NCF2: variants seen among roughly 807,000 people sequenced by gnomAD.
NCF2 encodes neutrophil cytosolic factor 2.
In NCF2, 45 loss-of-function variants were observed where a neutral mutation model predicts 70.9. The observed-to-expected ratio is 0.63, with a 90% CI of 0.50 to 0.81. The LOEUF (loss-of-function observed/expected upper bound fraction) is 0.81. NCF2 is among the 40% of genes least tolerant of loss of function. The pLI is 0.00. For missense variants in NCF2, 522 were observed against 631.6 expected (o/e 0.83, Z 1.86); for synonymous variants, 203 against 233.6 (o/e 0.87, Z 1.19).
At chr1:183,599,512 C>T in the NCF2 span, among the ~76,000 whole-genome samples, 5 of 122,850 alleles carry the variant, frequency 4.1e-5, no homozygotes, top group Non-Finnish European at 6.6e-5. Flanking sequence ...TTCTTCCTTC[C>T]TTCCTTCTTT....
At chr1:183,588,816 C>A (rs1341777548) in intron 1 of NCF2, among the ~76,000 whole-genome samples, 2 of 152,188 alleles carry the variant, frequency 1.3e-5, no homozygotes, top group Non-Finnish European at 2.9e-5. Flanking sequence ...GCCTGAAGGC[C>A]TGGGAGCTGA....
At chr1:183,557,769 G>A (rs1347644689) in intron 14 of NCF2, among the ~76,000 whole-genome samples, 2 of 152,118 alleles carry the variant, frequency 1.3e-5, no homozygotes, top group African/African-American at 2.4e-5. Flanking sequence ...GAGCTGGTTG[G>A]TTGATTTAGG....
chr1:183,594,021 G>A (rs1250044306), upstream of NCF2, among the ~76,000 whole-genome samples: 1 of 152,210 alleles, frequency 6.6e-6, no homozygotes, highest in Non-Finnish European at 1.5e-5. Flanking sequence ...CATGAGGGGA[G>A]ACAACTAAGA....
chr1:183,570,245 A>G (rs945282593), intron 6 of NCF2, among the ~76,000 whole-genome samples: 2 of 152,192 alleles, frequency 1.3e-5, no homozygotes, highest in African/African-American at 4.8e-5. Context: ...TAGATCCACT[A>G]TCATCCAGTT....
In NCF2 at chr1:183,590,161, C is replaced by T; in HGVS notation, c.169G>A (p.Glu57Lys). 6.2e-7 allele frequency: 1 copy of T among 1,614,194 alleles called. No individual in the cohort carries two copies. The highest frequency in any genetic ancestry group is 8.5e-7 in the Non-Finnish European group (1 of 1,180,026). The part of the protein sequence containing the change: ...YTILKNMTEA[E>K]KAFTRSINRD... The stretch of plus-strand genomic sequence containing the variant: ...AAAGAGGCACCTCCACTCACCTTCT[C>T]TGCTTCAGTCATGTTCTTCAGGATA... The change falls in exon 1 of 15, where the codon GAG becomes AAG. Residue 57 changes from glutamate (E) to lysine (K), a missense_variant. By Grantham distance (56) the Glu-to-Lys change is moderately conservative. Transcript: ENST00000367535.
chr1:183,599,508 C>T, the NCF2 span, among the ~76,000 whole-genome samples: 4 of 113,856 alleles, frequency 3.5e-5, no homozygotes, highest in Non-Finnish European at 5.2e-5. Context: ...TCTTTTCTTC[C>T]TTCCTTCCTT....
At position 183,575,620 on chromosome 1, in the gene NCF2, TA is replaced by T. The variant is rs1189950855; in HGVS notation, c.367-1000del. Among the ~76,000 whole-genome samples the T allele has an allele frequency of 7.2e-5, 11 of 152,328 alleles. No homozygotes were observed. The East Asian group carries it at 2.1e-3, about 29-fold the overall frequency. ...ACTGAAATAAATTTTTTAAATAGGATATTATGGAAATTAGGGGGTGTGACAT... is the reference window on the plus strand; with the variant it reads ...ACTGAAATAAATTTTTTAAATAGGATTTATGGAAATTAGGGGGTGTGACAT... On this transcript the variant is annotated intron_variant, in intron 3 of 14. Coordinates refer to ENST00000367535, the MANE Select transcript of NCF2 (RefSeq NM_000433.4).
chr1:183,596,949 T>C, the NCF2 span, among the ~76,000 whole-genome samples: 1 of 152,246 alleles, frequency 6.6e-6, no homozygotes, highest in South Asian at 2.1e-4. Context: ...ATCTGTTTTC[T>C]ACCTTATCTA....
chr1:183,563,620 G>A, intron 11 of NCF2, 35 bp from the exon 12 acceptor site: 2 of 1,611,868 alleles, frequency 1.2e-6, no homozygotes, highest in Non-Finnish European at 1.7e-6. Flanking sequence ...ACTCCTGAGT[G>A]TCTGAGGCTT....
intron 1 of NCF2, among the ~76,000 whole-genome samples, chr1:183,589,271 C>T (rs1673525331): frequency 6.6e-6 from 1 of 152,202 alleles, no homozygotes; most frequent in Admixed American, 6.5e-5. Flanking sequence ...AAAATAATAA[C>T]TAACTCTTAT....
In NCF2 at chr1:183,577,605, G is replaced by T. The variant is rs1260798923; in HGVS notation, c.360C>A (p.Ala120=). The change falls in exon 3 of 15, where the codon GCC becomes GCA. Residue 120 remains alanine, a synonymous_variant. Transcript: ENST00000367535. ...KILGLQFKLF[A]CEVLYNIAFM... ...CAGGCCCTGTTCTCCTTACCTCACA[G>T]GCAAACAGCTTGAACTGGAGCCCCA... 6.2e-7 allele frequency: 1 copy of T among 1,611,148 alleles called. No individual in the cohort carries two copies.
upstream of NCF2, among the ~76,000 whole-genome samples, chr1:183,593,874 G>A (rs1162063792): frequency 6.6e-6 from 1 of 152,088 alleles, no homozygotes; most frequent in African/African-American, 2.4e-5. Context: ...GCTTCAGGAG[G>A]GAAAGTCTGC....
Position 183,590,167 on chromosome 1 carries a change from C to T in NCF2, c.163G>A (p.Glu55Lys). The stretch of plus-strand genomic sequence containing the variant: ...GCACCTCCACTCACCTTCTCTGCTT[C>T]AGTCATGTTCTTCAGGATAGTGTAC... ...CMYTILKNMT[E>K]AEKAFTRSIN... is the part of the protein sequence containing the mutation. The change falls in exon 1 of 15, where the codon GAA (glutamate) becomes AAA (lysine). Residue 55 changes from glutamate to lysine, a missense_variant. Coordinates refer to ENST00000367535, the MANE Select transcript of NCF2 (RefSeq NM_000433.4). The T allele has an allele frequency of 6.2e-7, 1 of 1,614,204 alleles. No individual in the cohort carries two copies. The highest frequency in any genetic ancestry group is 1.7e-5 in the Admixed American group (1 of 60,028).
intron 3 of NCF2, among the ~76,000 whole-genome samples, chr1:183,576,892 T>C (rs1672823153): frequency 6.6e-6 from 1 of 152,174 alleles, no homozygotes; most frequent in Non-Finnish European, 1.5e-5. Flanking sequence ...TCAAAACTGC[T>C]AGTATATATT....
In NCF2 at chr1:183,573,050, T is replaced by G. The variant is rs943875496; in HGVS notation, c.609+135A>C. ...CTATCTTTCAGCCAAACCTCTGTCC[T>G]ATAAACAAGTCTCTCATTGCCATCC... On this transcript the variant is annotated intron_variant, in intron 5 of 14. Coordinates refer to ENST00000367535, the MANE Select transcript of NCF2 (RefSeq NM_000433.4). The G allele has an allele frequency of 5.0e-5, 41 of 827,554 alleles. No individual in the cohort carries two copies. The African/African-American group carries it at 6.0e-4, about 12-fold the overall frequency. The allele number at this position is 827,554 out of a possible 1,614,324, so 51.3% of individuals were successfully genotyped here.
intron 5 of NCF2, among the ~76,000 whole-genome samples, chr1:183,572,676 G>A (rs1672621403): frequency 6.6e-6 from 1 of 152,178 alleles, no homozygotes; most frequent in Non-Finnish European, 1.5e-5. Flanking sequence ...GTCTCAATCT[G>A]TTGCCCAAGC....
intron 1 of NCF2, among the ~76,000 whole-genome samples, chr1:183,589,083 G>C (rs1163422813): frequency 6.6e-6 from 1 of 152,176 alleles, no homozygotes; most frequent in African/African-American, 2.4e-5. Context: ...CTGCCTTAGA[G>C]CCTGAGATTG....
At chr1:183,582,133 C>T (rs753191763) in intron 2 of NCF2, among the ~76,000 whole-genome samples, 4 of 152,208 alleles carry the variant, frequency 2.6e-5, no homozygotes, top group African/African-American at 9.6e-5. Context: ...TACACAGGTT[C>T]GCAATAATCT....
At chr1:183,586,429 A>T (rs1673353960) in intron 2 of NCF2, among the ~76,000 whole-genome samples, 1 of 152,246 alleles carries the variant, frequency 6.6e-6, no homozygotes, top group South Asian at 2.1e-4. Context: ...TTATACATAT[A>T]ATGTTAATTT....
Sources: allele counts gnomAD v4.1 joint callset (sites outside exome capture counted in the v4.1 genomes callset), GRCh38; gene constraint gnomAD v4.1.1; transcripts MANE v1.5; gene names NCBI Gene and HGNC (gene_info 2026-07-23, HGNC 2026-07-21).